ADAMTS17: variants seen among roughly 807,000 people sequenced by gnomAD.
The protein encoded by ADAMTS17 is A disintegrin and metalloproteinase with thrombospondin motifs 17.
A neutral mutation model predicts 141.5 loss-of-function variants in ADAMTS17; 113 were observed. That is an observed-to-expected ratio of 0.80 (90% CI 0.69 to 0.93). The LOEUF (loss-of-function observed/expected upper bound fraction) is 0.93. ADAMTS17 is among the 40% of genes least tolerant of loss of function. The pLI is 0.00. For missense variants in ADAMTS17, 1,659 were observed against 1,517.9 expected (o/e 1.09, Z -1.54); for synonymous variants, 768 against 630.6 (o/e 1.22, Z -3.27).
At chr15:99,990,029 G>A (rs906292085) in intron 20 of ADAMTS17, among the ~76,000 whole-genome samples, 3 of 152,220 alleles carry the variant, frequency 2.0e-5, no homozygotes, top group Non-Finnish European at 2.9e-5. Context: ...TATTGTGTGA[G>A]TTCAAGTTCT....
intron 20 of ADAMTS17, chr15:99,979,575 A>G (rs1014578267): frequency 7.8e-6 from 1 of 127,672 alleles, no homozygotes; most frequent in Non-Finnish European, 1.7e-5. Flanking sequence ...CGAGTGGTCC[A>G]CTGGGAGCGG....
At chr15:100,098,587 T>C (rs1413963662) in intron 14 of ADAMTS17, among the ~76,000 whole-genome samples, 1 of 150,676 alleles carries the variant, frequency 6.6e-6, no homozygotes, top group Non-Finnish European at 1.5e-5. Context: ...AGCTTGAACC[T>C]GGGAGGCGGA....
Position 100,293,154 on chromosome 15 carries a change from G to A in ADAMTS17, c.617-11753C>T, listed in dbSNP as rs368427448. On this transcript the variant is annotated intron_variant, in intron 3 of 21. Transcript: ENST00000268070. ...TAGCCTCAGGGGTCCCTTGGTCCAG[G>A]GAGAGTTATTATCGCACCCAGAAGA... Among the ~76,000 whole-genome samples the A allele has an allele frequency of 1.0e-3, 154 of 152,296 alleles. No individual in the cohort carries two copies. The South Asian group carries it at 0.021, about 21-fold the overall frequency.
At chr15:100,133,829 C>T (rs1183954065) in intron 10 of ADAMTS17, among the ~76,000 whole-genome samples, 4 of 152,222 alleles carry the variant, frequency 2.6e-5, no homozygotes, top group Admixed American at 1.3e-4. Flanking sequence ...ACTGGTACCC[C>T]GACAGGGTTA....
chr15:100,053,020 T>G (rs1380594038), intron 16 of ADAMTS17, among the ~76,000 whole-genome samples: 2 of 152,236 alleles, frequency 1.3e-5, no homozygotes, highest in African/African-American at 4.8e-5. Context: ...CTGGAACACT[T>G]ACAGGCTGCC....
chr15:100,005,452 A>G (rs1316432933), intron 18 of ADAMTS17, among the ~76,000 whole-genome samples: 1 of 151,764 alleles, frequency 6.6e-6, no homozygotes, highest in East Asian at 1.9e-4. Flanking sequence ...CTTCTTTTCC[A>G]GCTCCACGCT....
At position 100,199,494 on chromosome 15, in the gene ADAMTS17, C is replaced by A; in HGVS notation, c.1076-71G>T. On this transcript the variant is annotated intron_variant, in intron 7 of 21. Coordinates refer to ENST00000268070, the MANE Select transcript of ADAMTS17 (RefSeq NM_139057.4). Reference sequence around the variant, plus strand: ...CCTGGTCTCACCGGGCAAGTCCGCACGGTCAACGTCATGCACAATCAAGGC... The same window carrying A: ...CCTGGTCTCACCGGGCAAGTCCGCAAGGTCAACGTCATGCACAATCAAGGC... 4.7e-6 allele frequency: 6 copies of A among 1,264,938 alleles called. No individual in the cohort carries two copies. In the South Asian group the frequency reaches 4.8e-5, roughly 10 times the overall value. 78.4% of individuals were successfully genotyped at this position (1,264,938 alleles called of 1,614,324 possible). A position where few individuals can be genotyped will look rare whatever the true frequency, so the allele number is the denominator to read the frequency against.
chr15:100,316,459 G>C (rs1003317779), intron 3 of ADAMTS17, among the ~76,000 whole-genome samples: 3 of 152,140 alleles, frequency 2.0e-5, no homozygotes, highest in Non-Finnish European at 4.4e-5. Flanking sequence ...GTTCCCTTCG[G>C]AATCAAGCCC....
chr15:100,001,826 C>CAAGGTGAATGCACTT (rs1354395725), intron 18 of ADAMTS17, among the ~76,000 whole-genome samples: 1 of 151,128 alleles, frequency 6.6e-6, no homozygotes, highest in Admixed American at 6.6e-5. Flanking sequence ...AAAAATAGCC[C>CAAGGTGAATGCACTT]CCCGTGGTGG....
intron 20 of ADAMTS17, among the ~76,000 whole-genome samples, chr15:99,982,672 T>A (rs1007620811): frequency 3.9e-5 from 6 of 152,194 alleles, no homozygotes; most frequent in African/African-American, 1.4e-4. Flanking sequence ...AAAAAACATA[T>A]CTGGTCTTGT....
intron 3 of ADAMTS17, among the ~76,000 whole-genome samples, chr15:100,324,757 C>T (rs987482881): frequency 2.0e-5 from 3 of 152,186 alleles, no homozygotes; most frequent in African/African-American, 7.2e-5. Context: ...TTGAAGTGGT[C>T]TCCTCAATAG....
chr15:100,152,533 C>T lies in ADAMTS17; in HGVS notation c.1473+79G>A. 4 of 1,593,678 alleles carry T rather than the reference C, an allele frequency of 2.5e-6. No homozygotes were observed. In the South Asian group the frequency reaches 3.3e-5, roughly 13 times the overall value. On this transcript the variant is annotated intron_variant, in intron 10 of 21. Transcript: ENST00000268070. ...CTGTGCTGAGTGTGAATGCCCATGTCCTCCAGCAGAAGCCAGACCTGCTGT... is the reference window on the plus strand; with the variant it reads ...CTGTGCTGAGTGTGAATGCCCATGTTCTCCAGCAGAAGCCAGACCTGCTGT...
chr15:100,333,442 C>A (rs934579841), intron 2 of ADAMTS17, among the ~76,000 whole-genome samples: 2 of 152,200 alleles, frequency 1.3e-5, no homozygotes, highest in Non-Finnish European at 2.9e-5. Context: ...CCAAGTGAAT[C>A]GGAATCTCTG....
chr15:100,336,322 A>G (rs1287141231), intron 2 of ADAMTS17, among the ~76,000 whole-genome samples: 2 of 152,168 alleles, frequency 1.3e-5, no homozygotes, highest in Admixed American at 1.3e-4. Context: ...AAAGGCGGAC[A>G]AAGAGAAGCC....
At chr15:100,179,846 G>C (rs1269684087) in intron 8 of ADAMTS17, among the ~76,000 whole-genome samples, 3 of 152,236 alleles carry the variant, frequency 2.0e-5, no homozygotes, top group Non-Finnish European at 2.9e-5. Flanking sequence ...TGTCTATTCA[G>C]ATCTTTTGCG....
chr15:100,167,389 T>C (rs1447666297), intron 8 of ADAMTS17, among the ~76,000 whole-genome samples: 1 of 152,184 alleles, frequency 6.6e-6, no homozygotes, highest in Non-Finnish European at 1.5e-5. Context: ...TACTGACTCT[T>C]CACGTGATCT....
intron 19 of ADAMTS17, among the ~76,000 whole-genome samples, chr15:99,994,310 A>C (rs2060751643): frequency 6.6e-6 from 1 of 152,186 alleles, no homozygotes; most frequent in African/African-American, 2.4e-5. Flanking sequence ...CTTGAGTTAT[A>C]ACAAACTCAA....
At chr15:100,263,890 G>C (rs1251897018) in intron 4 of ADAMTS17, among the ~76,000 whole-genome samples, 1 of 152,188 alleles carries the variant, frequency 6.6e-6, no homozygotes, top group Non-Finnish European at 1.5e-5. Context: ...AAGCACGGTA[G>C]ACAGCATCAC....
intron 7 of ADAMTS17, among the ~76,000 whole-genome samples, chr15:100,210,062 G>A (rs11631803): frequency 0.27 from 40,658 of 151,434 alleles, 6,311 homozygotes; most frequent in Middle Eastern, 0.39. Flanking sequence ...GTGAAACCCC[G>A]TCTCTACTAA....
Sources: allele counts gnomAD v4.1 joint callset (sites outside exome capture counted in the v4.1 genomes callset), GRCh38; gene constraint gnomAD v4.1.1; transcripts MANE v1.5; gene names NCBI Gene and HGNC (gene_info 2026-07-23, HGNC 2026-07-21).